Variants in SPG11 observed in about 807,000 individuals in gnomAD.
SPG11 encodes spatacsin.
SPG11 carries 222 observed loss-of-function variants against 274.0 expected under a neutral mutation model. That is an observed-to-expected ratio of 0.81 (90% CI 0.73 to 0.91). The LOEUF is 0.91. SPG11 is among the 40% of genes least tolerant of loss of function. The probability of loss-of-function intolerance (pLI) is 0.00; values close to 1 mark genes in which losing one functional copy is unlikely to be tolerated. For synonymous variants in SPG11, 1,144 were observed against 1,039.7 expected (o/e 1.10, Z -1.93); for missense variants, 3,114 against 2,872.7 (o/e 1.08, Z -1.92).
intron 20 of SPG11, among the ~76,000 whole-genome samples, chr15:44,602,539 C>T (rs1443662161): frequency 6.0e-5 from 9 of 150,896 alleles, no homozygotes; most frequent in Admixed American, 1.3e-4. Context: ...AGTGCAATAG[C>T]GTGATCTTGG....
intron 17 of SPG11, among the ~76,000 whole-genome samples, 165 bp from the exon 18 acceptor site, chr15:44,611,150 T>C (rs1312293431): frequency 2.3e-5 from 2 of 87,234 alleles, no homozygotes; most frequent in East Asian, 8.4e-4. Context: ...TGGGAAAACA[T>C]CACAGAGGGA....
chr15:44,577,514 A>AC (rs972184177), intron 30 of SPG11, among the ~76,000 whole-genome samples: 14 of 151,490 alleles, frequency 9.2e-5, no homozygotes, highest in South Asian at 2.1e-4. Flanking sequence ...AAAAAAAAAA[A>AC]AAAAACAAAA....
intron 11 of SPG11, 104 bp downstream of exon 11, chr15:44,626,227 A>T: frequency 1.0e-6 from 1 of 1,002,222 alleles, no homozygotes. Flanking sequence ...TATTTACTAC[A>T]TAAATTTCTT....
intron 11 of SPG11, among the ~76,000 whole-genome samples, chr15:44,626,051 T>G (rs35286810): frequency 0.014 from 2,200 of 152,188 alleles, 55 homozygotes; most frequent in East Asian, 0.1. Context: ...ACGTCCTTTT[T>G]ATTTTTTTTA....
chr15:44,574,836 A>G, intron 31 of SPG11, 66 bp downstream of exon 31: 1 of 1,603,578 alleles, frequency 6.2e-7, no homozygotes, highest in Non-Finnish European at 8.5e-7. Flanking sequence ...GCAATGTCCA[A>G]AATCAACCTC....
chr15:44,626,765 G>A (rs2083911972), intron 10 of SPG11, among the ~76,000 whole-genome samples: 1 of 152,104 alleles, frequency 6.6e-6, no homozygotes, highest in Non-Finnish European at 1.5e-5. Context: ...TGCTAGAGAG[G>A]AAGGTCTAGA....
intron 26 of SPG11, 97 bp downstream of exon 26, chr15:44,595,162 A>G (rs1403133842): frequency 3.6e-6 from 4 of 1,109,514 alleles, no homozygotes; most frequent in Non-Finnish European, 5.3e-6. Flanking sequence ...GTTGTTGGCT[A>G]AAAAAAAATC....
chr15:44,629,762 C>T (rs750206080), intron 8 of SPG11, among the ~76,000 whole-genome samples: 11 of 152,104 alleles, frequency 7.2e-5, no homozygotes, highest in African/African-American at 2.2e-4. Flanking sequence ...GTAACTTGCC[C>T]GAGCTAATTT....
At chr15:44,626,955 G>C (rs905082381) in intron 10 of SPG11, among the ~76,000 whole-genome samples, 1 of 152,128 alleles carries the variant, frequency 6.6e-6, no homozygotes, top group South Asian at 2.1e-4. Flanking sequence ...TATGCAGAGG[G>C]ACAAAGAAAA....
chr15:44,621,972 T>G (rs776011419), intron 13 of SPG11, 38 bp from the exon 14 acceptor site: 3 of 1,521,152 alleles, frequency 2.0e-6, no homozygotes, highest in Admixed American at 3.9e-5. Flanking sequence ...TTTTTAATTT[T>G]GGAGAAAAAG....
chr15:44,598,291 G>A lies in SPG11; in HGVS notation c.3975C>T (p.Asn1325=), dbSNP rs762850744. The A allele has an allele frequency of 4.3e-6, 7 of 1,613,694 alleles. No homozygotes were observed. In the South Asian group the frequency reaches 6.6e-5, roughly 15 times the overall value. The change falls in exon 23 of 40, where the codon AAC becomes AAT. Residue 1325 remains asparagine (N), a synonymous_variant. Transcript: ENST00000261866. ...LLVLLEEGTW[N]SIQQQEIKRL... ...TCTTTATTTCCTGTTGCTGAATGCTGTTCCATGTACCTTCTTCTAAGAGAA... is the reference window on the plus strand; with the variant it reads ...TCTTTATTTCCTGTTGCTGAATGCTATTCCATGTACCTTCTTCTAAGAGAA...
In SPG11 at chr15:44,567,562, A is replaced by C; in HGVS notation, c.6616T>G (p.Tyr2206Asp). Residue 2206 changes from tyrosine to aspartate, a missense_variant, in exon 36 of 40, where the codon TAC becomes GAC. Coordinates refer to ENST00000261866, the MANE Select transcript of SPG11 (RefSeq NM_025137.4). ...TCTCCAGGACGGCAGCGTTTGATGT[A>C]GTCCAGCAGGGCTGTTTTCAGGGTA... ...SGTLKTALLDYIKRCRPGDSE... is the reference protein window; with the variant it reads ...SGTLKTALLDDIKRCRPGDSE... 1.2e-6 allele frequency: 2 copies of C among 1,614,022 alleles called. No homozygotes were observed. The highest frequency in any genetic ancestry group is 1.7e-6 in the Non-Finnish European group (2 of 1,179,968).
chr15:44,594,391 A>C (rs1351075154), intron 26 of SPG11, among the ~76,000 whole-genome samples: 3 of 151,872 alleles, frequency 2.0e-5, no homozygotes, highest in African/African-American at 4.8e-5. Context: ...GTGCCACTGC[A>C]CTCCAGCCTG....
At chr15:44,651,447 T>C in intron 6 of SPG11, 44 bp downstream of exon 6, 2 of 1,545,346 alleles carry the variant, frequency 1.3e-6, no homozygotes, top group Non-Finnish European at 8.9e-7. Flanking sequence ...TAGGAAAGCA[T>C]ACATCTCAGC....
intron 1 of SPG11, among the ~76,000 whole-genome samples, chr15:44,662,567 C>T (rs2141135382): frequency 6.7e-6 from 1 of 149,040 alleles, no homozygotes; most frequent in East Asian, 2.0e-4. Context: ...GCTGGGGAGG[C>T]TGAGCCCGGG....
Position 44,651,538 on chromosome 15 carries a change from A to G in SPG11, c.1409T>C (p.Ile470Thr). The G allele has an allele frequency of 3.1e-6, 5 of 1,614,176 alleles. No individual in the cohort carries two copies. The highest frequency in any genetic ancestry group is 4.2e-6 in the Non-Finnish European group (5 of 1,180,012). ...CTGGTCTCCACTACTGTCTACAGGA[A>G]TACACTTTGTGCCAAGGGAAAAACA... ...MQCFSLGTKC[I>T]PVDSSGDQQL... Residue 470 changes from isoleucine (I) to threonine (T), a missense_variant, in exon 6 of 40, where the codon ATT becomes ACT. Physicochemically the swap from Ile to Thr is moderately conservative, Grantham distance 89. Transcript: ENST00000261866.
intron 7 of SPG11, among the ~76,000 whole-genome samples, chr15:44,639,933 G>A (rs1030172076): frequency 4.6e-5 from 7 of 152,012 alleles, no homozygotes; most frequent in African/African-American, 1.7e-4. Context: ...ACTTAGGGTC[G>A]GGCATGGTGG....
intron 10 of SPG11, among the ~76,000 whole-genome samples, chr15:44,628,058 T>C (rs2083953895): frequency 6.6e-6 from 1 of 152,230 alleles, no homozygotes; most frequent in African/African-American, 2.4e-5. Context: ...TAAGCTGTTT[T>C]AGCTTTTGTT....
At chr15:44,565,769 T>G in intron 38 of SPG11, 85 bp downstream of exon 38, 17 of 1,550,828 alleles carry the variant, frequency 1.1e-5, no homozygotes, top group African/African-American at 1.4e-5. Context: ...TCACTAGCCC[T>G]GAGACCTTAC....
Sources: allele counts gnomAD v4.1 joint callset (sites outside exome capture counted in the v4.1 genomes callset), GRCh38; gene constraint gnomAD v4.1.1; transcripts MANE v1.5; gene names NCBI Gene and HGNC (gene_info 2026-07-23, HGNC 2026-07-21).